Variants in KDM4C observed in about 807,000 individuals in gnomAD.
KDM4C encodes lysine demethylase 4C.
A neutral mutation model predicts 129.3 loss-of-function variants in KDM4C; 81 were observed. The ratio of observed to expected loss-of-function variants is 0.63; its 90% CI spans 0.52 to 0.75. The LOEUF (loss-of-function observed/expected upper bound fraction) is 0.75, where lower values mean the gene tolerates loss of function less well. KDM4C is among the 30% of genes least tolerant of loss of function. KDM4C has a pLI of 0.00. For missense variants in KDM4C, 1,457 were observed against 1,304.0 expected (o/e 1.12, Z -1.81); for synonymous variants, 573 against 456.1 (o/e 1.26, Z -3.26).
intron 17 of KDM4C, among the ~76,000 whole-genome samples, chr9:7,050,340 C>A (rs1829966788): frequency 6.8e-6 from 1 of 147,906 alleles, no homozygotes; most frequent in African/African-American, 2.5e-5. Context: ...TTTAAATGGC[C>A]CTCTAAAGGT....
At chr9:7,129,668 G>A (rs142776541) in intron 19 of KDM4C, among the ~76,000 whole-genome samples, 158 of 152,194 alleles carry the variant, frequency 1.0e-3, no homozygotes, top group African/African-American at 3.6e-3. Context: ...GTAAATGGAT[G>A]CTTTCTCTAC....
At chr9:6,885,144 AC>A (rs1251006599) in intron 6 of KDM4C, among the ~76,000 whole-genome samples, 1 of 152,226 alleles carries the variant, frequency 6.6e-6, no homozygotes, top group East Asian at 1.9e-4. Flanking sequence ...CATTTCCAAT[AC>A]CCCAAAAAAG....
intron 4 of KDM4C, 33 bp from the exon 5 acceptor site, chr9:6,849,474 G>T: frequency 6.7e-7 from 1 of 1,492,554 alleles, no homozygotes; most frequent in South Asian, 1.4e-5. Flanking sequence ...AGTAAGATTT[G>T]ATTTCTCTCT....
intron 8 of KDM4C, among the ~76,000 whole-genome samples, chr9:6,945,068 ACT>A (rs1315445858): frequency 6.6e-6 from 1 of 150,914 alleles, no homozygotes; most frequent in East Asian, 1.9e-4. Flanking sequence ...TCTCCTTCTC[ACT>A]CTCTTTCTTG....
chr9:7,125,122 C>G (rs1358453390), intron 18 of KDM4C, among the ~76,000 whole-genome samples: 1 of 152,150 alleles, frequency 6.6e-6, no homozygotes. Flanking sequence ...TCCCCCACCC[C>G]CAGTGCCCTG....
Position 7,090,076 on chromosome 9 carries a change from C to A in KDM4C, c.2425-13609C>A, listed in dbSNP as rs892490902. Reference sequence around the variant, plus strand: ...TGTCCAATGCTTGAAACCCCCAGCCCTTCCAGCTCCCTCATTACACAGAGC... The same window carrying A: ...TGTCCAATGCTTGAAACCCCCAGCCATTCCAGCTCCCTCATTACACAGAGC... On this transcript the variant is annotated intron_variant, in intron 17 of 21. Transcript: ENST00000381309. Among the ~76,000 whole-genome samples, 37 of 152,348 alleles carry A rather than the reference C, an allele frequency of 2.4e-4. No homozygotes were observed. In the Middle Eastern group the frequency reaches 0.014, roughly 56 times the overall value.
intron 8 of KDM4C, among the ~76,000 whole-genome samples, chr9:6,971,390 T>G (rs1376206916): frequency 6.6e-6 from 1 of 152,234 alleles, no homozygotes; most frequent in Admixed American, 6.5e-5. Context: ...TGTAGATCAT[T>G]AAAACTGCAT....
At chr9:6,979,276 G>A (rs570986949) in intron 8 of KDM4C, among the ~76,000 whole-genome samples, 9 of 152,194 alleles carry the variant, frequency 5.9e-5, no homozygotes, top group African/African-American at 1.7e-4. Context: ...CTCATTATAT[G>A]TAACCAATAA....
chr9:7,150,097 G>C lies in KDM4C; in HGVS notation c.2782-15141G>C, dbSNP rs911400032. 3.3e-5 allele frequency among the ~76,000 whole-genome samples: 5 copies of C among 152,248 alleles called. 1 individual carries two copies. Among genetic ancestry groups the C allele is most frequent in the Admixed American group, 2.6e-4 (4 of 15,292 alleles). On this transcript the variant is annotated intron_variant, in intron 19 of 21. Transcript: ENST00000381309. ...CCTGTTTGGCTACACCACTCAACAC[G>C]GTCAGTGGGATAGACTGACCAGCTA...
At chr9:6,774,419 C>G (rs566987334) in intron 1 of KDM4C, among the ~76,000 whole-genome samples, 168 of 152,188 alleles carry the variant, frequency 1.1e-3, no homozygotes, top group African/African-American at 3.7e-3. Flanking sequence ...AATCCCAGCA[C>G]TTTGGGAGGC....
At chr9:6,744,397 C>CGT (rs1666450320) in intron 1 of KDM4C, among the ~76,000 whole-genome samples, 1 of 151,890 alleles carries the variant, frequency 6.6e-6, no homozygotes, top group South Asian at 2.1e-4. Flanking sequence ...TGGTGGCGTG[C>CGT]GCCTGTAATC....
intron 1 of KDM4C, among the ~76,000 whole-genome samples, chr9:6,790,477 C>G (rs1171768244): frequency 1.3e-5 from 2 of 150,086 alleles, no homozygotes; most frequent in Non-Finnish European, 3.0e-5. Flanking sequence ...TGGTCTCCAT[C>G]TCCTGACCTC....
At chr9:7,031,827 C>G (rs1826834458) in intron 15 of KDM4C, among the ~76,000 whole-genome samples, 3 of 152,152 alleles carry the variant, frequency 2.0e-5, no homozygotes, top group Admixed American at 2.0e-4. Context: ...AGTCATTTGT[C>G]TGCATAAATC....
At chr9:7,060,678 C>T (rs1831524035) in intron 17 of KDM4C, among the ~76,000 whole-genome samples, 1 of 151,978 alleles carries the variant, frequency 6.6e-6, no homozygotes, top group African/African-American at 2.4e-5. Flanking sequence ...GACAGGGTTT[C>T]ACCATGTTGG....
At chr9:7,055,987 G>A (rs1830812949) in intron 17 of KDM4C, among the ~76,000 whole-genome samples, 11 of 152,176 alleles carry the variant, frequency 7.2e-5, no homozygotes, top group Admixed American at 7.2e-4. Flanking sequence ...TGTCGTAAAG[G>A]CAATCAGAAA....
At position 7,099,152 on chromosome 9, in the gene KDM4C, T is replaced by A. The variant is rs547116352; in HGVS notation, c.2425-4533T>A. On this transcript the variant is annotated intron_variant, in intron 17 of 21. Transcript: ENST00000381309. ...TGTGACTTAATCAGGAAACAACAAT[T>A]AAAAAGCATTCACACCTATTTTGGA... 2.3e-4 allele frequency among the ~76,000 whole-genome samples: 35 copies of A among 151,800 alleles called. No individual in the cohort carries two copies. In the East Asian group the frequency reaches 6.8e-3, roughly 29 times the overall value.
chr9:7,131,152 C>G (rs1840591854), intron 19 of KDM4C, among the ~76,000 whole-genome samples: 1 of 152,072 alleles, frequency 6.6e-6, no homozygotes, highest in African/African-American at 2.4e-5. Context: ...ATCTTTCCTC[C>G]TTTTGTGCTC....
At chr9:7,056,084 TA>T (rs1436763408) in intron 17 of KDM4C, among the ~76,000 whole-genome samples, 1 of 152,164 alleles carries the variant, frequency 6.6e-6, no homozygotes. Context: ...AAGAAAATAA[TA>T]AACATTGACA....
chr9:6,761,046 T>C (rs1370747056), intron 1 of KDM4C, among the ~76,000 whole-genome samples: 3 of 147,384 alleles, frequency 2.0e-5, no homozygotes, highest in African/African-American at 7.6e-5. Context: ...CTGTTGTCCA[T>C]GGAGTCTCAC....
Sources: gnomAD v4.1 joint callset for allele counts (sites outside exome capture counted in the v4.1 genomes callset) on GRCh38, gnomAD v4.1.1 for gene constraint, MANE v1.5 for transcripts, NCBI Gene and HGNC (gene_info 2026-07-23, HGNC 2026-07-21) for gene names.